Variants in ZFP64 observed in about 807,000 individuals in gnomAD.
ZFP64 encodes ZFP64 zinc finger protein.
A neutral mutation model predicts 51.6 loss-of-function variants in ZFP64; 14 were observed. The ratio of observed to expected loss-of-function variants is 0.27; its 90% CI spans 0.18 to 0.42. The LOEUF is 0.42. Among genes scored for constraint, ZFP64 ranks in the 10% least tolerant of loss-of-function variants. The probability of loss-of-function intolerance (pLI) is 1.00; values close to 1 mark genes in which losing one functional copy is unlikely to be tolerated. For missense variants in ZFP64, 754 were observed against 906.8 expected (o/e 0.83, Z 2.16); for synonymous variants, 375 against 361.4 (o/e 1.04, Z -0.43).
At chr20:52,125,746 G>A (rs1979417117) in intron 5 of ZFP64, among the ~76,000 whole-genome samples, 1 of 152,184 alleles carries the variant, frequency 6.6e-6, no homozygotes, top group East Asian at 1.9e-4. Context: ...GACCTGAGCA[G>A]CCCTAATGAT....
intron 5 of ZFP64, among the ~76,000 whole-genome samples, chr20:52,102,683 A>T (rs963212007): frequency 1.3e-5 from 2 of 152,244 alleles, no homozygotes; most frequent in African/African-American, 4.8e-5. Context: ...TTTGGGGAAC[A>T]GACTGGGAAA....
chr20:52,176,505 C>CTCTTTTTTTTTTTTTTTTTTTT (rs1555810297), intron 2 of ZFP64, among the ~76,000 whole-genome samples: 2 of 136,724 alleles, frequency 1.5e-5, no homozygotes, highest in African/African-American at 5.5e-5. Context: ...TTCAATCTCT[C>CTCTTTTTTTTTTTTTTTTTTTT]TTTTTTTTTT....
intron 2 of ZFP64, among the ~76,000 whole-genome samples, chr20:52,170,502 C>G (rs926571170): frequency 4.6e-5 from 7 of 152,144 alleles, no homozygotes; most frequent in Admixed American, 4.6e-4. Flanking sequence ...CACCCAGGTG[C>G]AGGGATCATT....
chr20:52,150,557 A>G (rs974773288), downstream of ZFP64, among the ~76,000 whole-genome samples: 1 of 151,192 alleles, frequency 6.6e-6, no homozygotes, highest in Non-Finnish European at 1.5e-5. Flanking sequence ...TACCAAAAAC[A>G]TAGTTAATAA....
At chr20:52,126,147 C>T (rs980079269) in intron 5 of ZFP64, among the ~76,000 whole-genome samples, 1 of 152,206 alleles carries the variant, frequency 6.6e-6, no homozygotes, top group Non-Finnish European at 1.5e-5. Flanking sequence ...ATGCGCCTGC[C>T]TCGGCCTCCC....
Position 52,165,974 on chromosome 20 carries a change from G to A in ZFP64, c.338C>T (p.Thr113Met), listed in dbSNP as rs146575695. 2.1e-4 allele frequency: 344 copies of A among 1,613,968 alleles called. No individual in the cohort carries two copies. In the African/African-American group the frequency reaches 3.5e-3, roughly 16 times the overall value. Reference protein sequence around the residue: ...FEHGYQTYLPTESNENQTATV... With the variant: ...FEHGYQTYLPMESNENQTATV... ...GGCTGTCTGGTTTTCATTACTTTCC[G>A]TGGGCAGGTAAGTTTGATAGCCATG... The change falls in exon 3 of 6, where the codon ACG becomes ATG. Residue 113 changes from threonine (T) to methionine (M), a missense_variant. Thr to Met is a moderately conservative substitution (Grantham distance 81). This residue lies in a region of ZFP64 where 231 missense variants were observed against 336.7 expected (regional missense o/e 0.69). Coordinates refer to ENST00000216923, the MANE Select transcript of ZFP64 (RefSeq NM_018197.3).
Position 52,102,107 on chromosome 20 carries a change from C to CAAAAAAAAAAAAAAAAA in ZFP64, c.764-3537_764-3521dup, listed in dbSNP as rs34646115. On this transcript the variant is annotated intron_variant, in intron 5 of 8. Coordinates refer to the ZFP64 transcript ENST00000361387. The stretch of plus-strand genomic sequence containing the variant: ...AGCCTGGTGAGAGTAACTCCATCTC[C>CAAAAAAAAAAAAAAAAA]AAAAAAAAAAAAAAAAAAGGCAGCA... Among the ~76,000 whole-genome samples, 44 of 63,400 alleles carry CAAAAAAAAAAAAAAAAA rather than the reference C, an allele frequency of 6.9e-4. 1 individual carries two copies. Among genetic ancestry groups the CAAAAAAAAAAAAAAAAA allele is most frequent in the African/African-American group, 8.2e-4 (12 of 14,718 alleles). 41.6% of individuals were successfully genotyped at this position (63,400 alleles called of 152,430 possible).
intron 5 of ZFP64, among the ~76,000 whole-genome samples, chr20:52,116,346 G>A (rs1367621328): frequency 1.3e-5 from 2 of 151,858 alleles, no homozygotes; most frequent in Non-Finnish European, 2.9e-5. Context: ...ATGTTGGCCA[G>A]GCTGGTCTCG....
intron 2 of ZFP64, among the ~76,000 whole-genome samples, chr20:52,172,419 C>T (rs1055421092): frequency 2.6e-5 from 4 of 152,004 alleles, no homozygotes; most frequent in African/African-American, 4.8e-5. Flanking sequence ...TACTGCAAGT[C>T]GGGCACACTG....
intron 7 of ZFP64, among the ~76,000 whole-genome samples, chr20:52,096,601 T>C (rs1448954721): frequency 1.3e-5 from 2 of 152,200 alleles, no homozygotes; most frequent in Admixed American, 6.5e-5. Flanking sequence ...AGTAGTATTT[T>C]AGGCAGGATG....
Position 52,151,413 on chromosome 20 carries a change from A to G in ZFP64, c.*733T>C. 1.0e-6 allele frequency: 1 copy of G among 985,424 alleles called. No individual in the cohort carries two copies. Among genetic ancestry groups the G allele is most frequent in the Non-Finnish European group, 1.2e-6 (1 of 829,944 alleles). The allele number at this position is 985,424 out of a possible 1,614,324, so 61.0% of individuals were successfully genotyped here. A position where few individuals can be genotyped will look rare whatever the true frequency, so the allele number is the denominator to read the frequency against. Reference sequence around the variant, plus strand: ...CCTTCATGCCAACAGACTTACATGTATAAAACATGAACACCCCCAAACTCT... The same window carrying G: ...CCTTCATGCCAACAGACTTACATGTGTAAAACATGAACACCCCCAAACTCT... On this transcript the variant is annotated 3_prime_UTR_variant, in exon 6 of 6. Coordinates refer to ENST00000216923, the MANE Select transcript of ZFP64 (RefSeq NM_018197.3).
intron 7 of ZFP64, among the ~76,000 whole-genome samples, chr20:52,094,396 G>A (rs977383719): frequency 6.6e-6 from 1 of 152,168 alleles, no homozygotes; most frequent in Non-Finnish European, 1.5e-5. Flanking sequence ...TACAAAGTGG[G>A]ATAAAAATAC....
chr20:52,153,447 T>A lies in ZFP64; in HGVS notation c.764-19A>T. The A allele has an allele frequency of 6.2e-7, 1 of 1,605,644 alleles. No homozygotes were observed. The highest frequency in any genetic ancestry group is 8.5e-7 in the Non-Finnish European group (1 of 1,175,240). Reference sequence around the variant, plus strand: ...GCGTCCCCTGTCAACACAAGGTGAGTTTCGATAAGAACAGGCAGGCAACAA... The same window carrying A: ...GCGTCCCCTGTCAACACAAGGTGAGATTCGATAAGAACAGGCAGGCAACAA... On this transcript the variant is annotated intron_variant, in intron 5 of 5. Transcript: ENST00000216923. The surrounding 1 kb of genome is among the most constrained non-coding windows in gnomAD (Gnocchi z 5.1).
chr20:52,114,925 C>T (rs766176282), intron 5 of ZFP64, among the ~76,000 whole-genome samples: 5 of 152,066 alleles, frequency 3.3e-5, no homozygotes, highest in Non-Finnish European at 7.4e-5. Context: ...AGGCCGGGCA[C>T]GGTGGCTCAT....
At chr20:52,159,621 TG>T (rs951298350) in intron 5 of ZFP64, among the ~76,000 whole-genome samples, 5 of 152,130 alleles carry the variant, frequency 3.3e-5, no homozygotes, top group Admixed American at 2.6e-4. Context: ...GAGGCTGAGG[TG>T]GGCAGACCAC....
In ZFP64 at chr20:52,165,919, G is replaced by A; in HGVS notation, c.393C>T (p.Arg131=). Residue 131 remains arginine (R), a synonymous_variant, in exon 3 of 6, where the codon CGC becomes CGT. Coordinates refer to ENST00000216923, the MANE Select transcript of ZFP64 (RefSeq NM_018197.3). ...CAGGTGGTGTTGTGGGCTTTTTGGT[G>A]CGTGACTTGGCAGGGAGAGAGATGA... is the stretch of plus-strand genomic sequence containing the variant. ...ATVISLPAKS[R]TKKPTTPPAQ... is the part of the protein sequence containing the mutation. The A allele has an allele frequency of 6.2e-7, 1 of 1,614,138 alleles. No individual in the cohort carries two copies. Among genetic ancestry groups the A allele is most frequent in the Non-Finnish European group, 8.5e-7 (1 of 1,180,004 alleles).
exon 9 of ZFP64, chr20:52,084,289 C>A: frequency 2.0e-6 from 1 of 488,200 alleles, no homozygotes; most frequent in Non-Finnish European, 3.7e-6. Context: ...TAGAGCAGGG[C>A]TTGGCAGACC....
In ZFP64 at chr20:52,145,880, A is replaced by G. The variant is rs368772131; in HGVS notation, c.763+14243T>C. ...AAATTTATTAAAAAAGTCTTTCTTC[A>G]GTAGTAAATTAAGTATAGCTTATTG... is the stretch of plus-strand genomic sequence containing the variant. On this transcript the variant is annotated intron_variant, in intron 5 of 8. Coordinates refer to the ZFP64 transcript ENST00000361387. Among the ~76,000 whole-genome samples the G allele has an allele frequency of 2.0e-3, 311 of 152,282 alleles. 2 individuals are homozygous for G. Among genetic ancestry groups the G allele is most frequent in the African/African-American group, 7.0e-3 (291 of 41,554 alleles).
chr20:52,157,236 C>G (rs1434218997), intron 5 of ZFP64, among the ~76,000 whole-genome samples: 1 of 152,128 alleles, frequency 6.6e-6, no homozygotes, highest in Non-Finnish European at 1.5e-5. Flanking sequence ...CTCCTAAAAC[C>G]CACAGAAGGT....
Sources: allele counts gnomAD v4.1 joint callset (sites outside exome capture counted in the v4.1 genomes callset), GRCh38; gene constraint gnomAD v4.1.1; regional missense constraint gnomAD v4.1.1; non-coding constraint Gnocchi (gnomAD v3.1); transcripts MANE v1.5; gene names NCBI Gene and HGNC (gene_info 2026-07-23, HGNC 2026-07-21).